The following RAP1GDS1 variants were observed in gnomAD, a reference collection of about 807,000 sequenced individuals.
RAP1GDS1 encodes RAP1, GTP-GDP dissociation stimulator 1.
A neutral mutation model predicts 71.1 loss-of-function variants in RAP1GDS1; 35 were observed. The observed-to-expected ratio is 0.49, with a 90% confidence interval of 0.38 to 0.65. The LOEUF (loss-of-function observed/expected upper bound fraction) is 0.65, where lower values mean the gene tolerates loss of function less well. RAP1GDS1 is among the 30% of genes least tolerant of loss of function. RAP1GDS1 has a pLI of 0.00. For missense variants in RAP1GDS1, 663 were observed against 706.1 expected, an observed-to-expected ratio of 0.94 and a Z score of 0.69; for synonymous variants, 229 against 243.1, an observed-to-expected ratio of 0.94 and a Z score of 0.54.
rs550737333 is a variant in RAP1GDS1 at position 98,348,381 on chromosome 4, G to A, written c.236-4095G>A. Among the ~76,000 whole-genome samples, 894 of 152,266 alleles carry A rather than the reference G, an allele frequency of 5.9e-3. 11 individuals are homozygous for A. The highest frequency in any genetic ancestry group is 0.021 in the African/African-American group (860 of 41,548). On this transcript the variant is annotated intron_variant, in intron 3 of 14. Transcript: ENST00000408927. ...CAGTCTATCATTGATGGGCATTTGG[G>A]TTGGTTCCAAGTTTTTGCTATTATG...
chr4:98,377,593 T>C (rs1741343630), intron 4 of RAP1GDS1, among the ~76,000 whole-genome samples: 2 of 151,512 alleles, frequency 1.3e-5, no homozygotes, highest in Admixed American at 6.6e-5. Flanking sequence ...TTTTCAAAAT[T>C]ATGAACATAG....
At chr4:98,389,150 A>G (rs1743223426) in intron 5 of RAP1GDS1, among the ~76,000 whole-genome samples, 1 of 152,214 alleles carries the variant, frequency 6.6e-6, no homozygotes, top group Admixed American at 6.5e-5. Flanking sequence ...TGGCAAGAGC[A>G]AATAAAATCT....
chr4:98,292,569 G>GA (rs537889890), intron 1 of RAP1GDS1, among the ~76,000 whole-genome samples: 461 of 131,428 alleles, frequency 3.5e-3, no homozygotes, highest in Middle Eastern at 8.0e-3. Flanking sequence ...TATAATAAAA[G>GA]AAAAAAAAAA....
intron 4 of RAP1GDS1, among the ~76,000 whole-genome samples, chr4:98,378,788 G>A (rs1484828197): frequency 6.6e-6 from 1 of 151,862 alleles, no homozygotes; most frequent in Non-Finnish European, 1.5e-5. Context: ...TGATGCCAAT[G>A]AGAATAATCT....
chr4:98,411,185 G>T (rs2110169503), intron 7 of RAP1GDS1, among the ~76,000 whole-genome samples: 1 of 152,352 alleles, frequency 6.6e-6, no homozygotes, highest in African/African-American at 2.4e-5. Context: ...AATGGTTTTG[G>T]TAAATGTGCT....
chr4:98,391,956 G>T lies in RAP1GDS1; in HGVS notation c.513G>T (p.Ser171=), dbSNP rs1330670522. 2 of 1,577,348 alleles carry T rather than the reference G, an allele frequency of 1.3e-6. No homozygotes were observed. The highest frequency in any genetic ancestry group is 2.3e-5 in the East Asian group (1 of 43,928). Residue 171 remains serine (S), a synonymous_variant, in exon 6 of 15, where the codon TCG becomes TCT. Transcript: ENST00000408927. ...MLMNYSNEND[S]LQAQLINMGV... is the part of the protein sequence containing the mutation. ...GTTTTTTTTTTGTTTTTACAGATTCGCTTCAAGCTCAGCTTATCAATATGG... is the reference window on the plus strand; with the variant it reads ...GTTTTTTTTTTGTTTTTACAGATTCTCTTCAAGCTCAGCTTATCAATATGG...
intron 1 of RAP1GDS1, among the ~76,000 whole-genome samples, chr4:98,283,865 G>A (rs1297802669): frequency 1.4e-5 from 2 of 142,920 alleles, no homozygotes; most frequent in African/African-American, 2.6e-5. Context: ...TACATAGACA[G>A]TTGTTACCTA....
intron 1 of RAP1GDS1, among the ~76,000 whole-genome samples, chr4:98,290,492 G>A (rs1431332237): frequency 6.6e-6 from 1 of 152,072 alleles, no homozygotes; most frequent in African/African-American, 2.4e-5. Flanking sequence ...GAAAGGAACT[G>A]ATAGCTAAAA....
At chr4:98,327,819 G>T (rs886331651) in intron 2 of RAP1GDS1, among the ~76,000 whole-genome samples, 11 of 152,136 alleles carry the variant, frequency 7.2e-5, no homozygotes, top group African/African-American at 2.7e-4. Context: ...GTGGTTCTTG[G>T]TCTAAGCCTA....
intron 2 of RAP1GDS1, among the ~76,000 whole-genome samples, chr4:98,334,362 T>C (rs1199801220): frequency 6.6e-6 from 1 of 152,180 alleles, no homozygotes; most frequent in Non-Finnish European, 1.5e-5. Flanking sequence ...CACATGAGTT[T>C]AGGGTTAAAT....
intron 1 of RAP1GDS1, among the ~76,000 whole-genome samples, chr4:98,263,000 G>A (rs1200977359): frequency 6.6e-6 from 1 of 152,076 alleles, no homozygotes; most frequent in African/African-American, 2.4e-5. Context: ...GTAAAAATTG[G>A]GTGGCCCATT....
At chr4:98,385,432 A>C (rs1222056087) in intron 5 of RAP1GDS1, among the ~76,000 whole-genome samples, 2 of 151,776 alleles carry the variant, frequency 1.3e-5, no homozygotes, top group Admixed American at 6.6e-5. Context: ...TTGGCCTTTC[A>C]AAAGCTGAGG....
At chr4:98,277,600 A>G (rs187647799) in intron 1 of RAP1GDS1, among the ~76,000 whole-genome samples, 9 of 152,278 alleles carry the variant, frequency 5.9e-5, no homozygotes, top group Non-Finnish European at 1.2e-4. Context: ...CTAACTCATT[A>G]AGACGGCTTC....
At chr4:98,331,033 C>T (rs191870407) in intron 2 of RAP1GDS1, among the ~76,000 whole-genome samples, 1,908 of 152,252 alleles carry the variant, frequency 0.013, 43 homozygotes, top group African/African-American at 0.044. Flanking sequence ...AGCGAGACTC[C>T]GTCTGCAATC....
At chr4:98,265,912 G>A (rs1370954010) in intron 1 of RAP1GDS1, among the ~76,000 whole-genome samples, 1 of 152,036 alleles carries the variant, frequency 6.6e-6, no homozygotes, top group Non-Finnish European at 1.5e-5. Flanking sequence ...CACTTTAAGA[G>A]GTTTAGTAGA....
chr4:98,432,854 G>A (rs1257580237), intron 12 of RAP1GDS1, among the ~76,000 whole-genome samples: 1 of 152,096 alleles, frequency 6.6e-6, no homozygotes, highest in Admixed American at 6.5e-5. Flanking sequence ...GGAACCCTTG[G>A]TGGAATGAAG....
chr4:98,361,634 T>G (rs1206463509), intron 4 of RAP1GDS1, among the ~76,000 whole-genome samples: 1 of 152,172 alleles, frequency 6.6e-6, no homozygotes. Context: ...AATACTAGTA[T>G]CAGCAGGCAC....
chr4:98,377,119 G>C (rs1395937506), intron 4 of RAP1GDS1, among the ~76,000 whole-genome samples: 1 of 151,862 alleles, frequency 6.6e-6, no homozygotes, highest in Non-Finnish European at 1.5e-5. Context: ...ACAAGGCTTA[G>C]TTTAGCTATT....
chr4:98,405,697 AATT>A (rs1300785333), intron 7 of RAP1GDS1, among the ~76,000 whole-genome samples: 2 of 152,050 alleles, frequency 1.3e-5, no homozygotes, highest in African/African-American at 4.8e-5. Context: ...CAATGACCAA[AATT>A]ATTATCTTCA....
Sources: allele counts gnomAD v4.1 joint callset (sites outside exome capture counted in the v4.1 genomes callset), GRCh38; gene constraint gnomAD v4.1.1; transcripts MANE v1.5; gene names NCBI Gene and HGNC (gene_info 2026-07-23, HGNC 2026-07-21).